Variants in NLRP5 observed in about 807,000 individuals in gnomAD.
NLRP5 encodes NLR family pyrin domain containing 5.
In NLRP5, 93 loss-of-function variants were observed where a neutral mutation model predicts 113.1. The observed-to-expected ratio is 0.82, with a 90% CI of 0.70 to 0.98. The LOEUF is 0.98. NLRP5 is among the 50% of genes least tolerant of loss of function. The pLI is 0.00. For missense variants in NLRP5, 1,808 were observed against 1,514.3 expected (o/e 1.19, Z -3.22); for synonymous variants, 751 against 600.7 (o/e 1.25, Z -3.66).
rs35408500 is a variant in NLRP5 at position 56,005,737 on chromosome 19, G to GA, written c.442+1648dup. 8.5e-5 allele frequency among the ~76,000 whole-genome samples: 13 copies of GA among 152,272 alleles called. 1 individual carries two copies. Among genetic ancestry groups the GA allele is most frequent in the Non-Finnish European group, 1.5e-4 (10 of 68,028 alleles). On this transcript the variant is annotated intron_variant, in intron 2 of 14. Coordinates refer to ENST00000390649, the MANE Select transcript of NLRP5 (RefSeq NM_153447.4). ...TCAAGGGCTCTCTCTCCTGAGCTTG[G>GA]AAAAAAGGCCCAGTGTGGAGGGCAT...
chr19:56,030,847 T>TG (rs1288566175), intron 7 of NLRP5, among the ~76,000 whole-genome samples: 2 of 151,110 alleles, frequency 1.3e-5, no homozygotes, highest in African/African-American at 2.4e-5. Flanking sequence ...CCCTAGTAGC[T>TG]GGACTACAGT....
chr19:56,003,423 G>A (rs1981731760), intron 1 of NLRP5, among the ~76,000 whole-genome samples: 1 of 152,176 alleles, frequency 6.6e-6, no homozygotes, highest in Non-Finnish European at 1.5e-5. Context: ...CAAAGTGCTG[G>A]GATTACAGGC....
Position 56,037,693 on chromosome 19 carries a change from C to CAAA in NLRP5, c.2616-313_2616-311dup, listed in dbSNP as rs11301032. ...GGGTGACAAGAGCAAGACCCTGTCT[C>CAAA]AAAAAAAAAAAAAAAAAAAAATGTT... On this transcript the variant is annotated intron_variant, in intron 9 of 14. Transcript: ENST00000390649. Among the ~76,000 whole-genome samples, 87 of 87,702 alleles carry CAAA rather than the reference C, an allele frequency of 9.9e-4. 1 individual carries two copies. Among genetic ancestry groups the CAAA allele is most frequent in the African/African-American group, 3.6e-3 (83 of 23,072 alleles). 57.5% of individuals were successfully genotyped at this position (87,702 alleles called of 152,430 possible).
intron 3 of NLRP5, 131 bp downstream of exon 3, chr19:56,008,984 C>A: frequency 1.3e-6 from 1 of 778,816 alleles, no homozygotes; most frequent in South Asian, 1.6e-5. Context: ...CCTACATTAG[C>A]TGACCGGATG....
rs930552610 is a variant in NLRP5 at position 56,055,768 on chromosome 19, A to G, written c.3299+1960A>G. On this transcript the variant is annotated intron_variant, in intron 13 of 14. Coordinates refer to ENST00000390649, the MANE Select transcript of NLRP5 (RefSeq NM_153447.4). The stretch of plus-strand genomic sequence containing the variant: ...CACCGTGTTAGCCAGGATGGTCTCA[A>G]TCTCCTGACCTCATGATCTGCCCGC... 5.9e-5 allele frequency among the ~76,000 whole-genome samples: 9 copies of G among 151,454 alleles called. No homozygotes were observed. The East Asian group carries it at 1.2e-3, about 20-fold the overall frequency.
At chr19:56,056,769 C>T (rs1432564976) in intron 13 of NLRP5, among the ~76,000 whole-genome samples, 1 of 152,262 alleles carries the variant, frequency 6.6e-6, no homozygotes, top group Non-Finnish European at 1.5e-5. Flanking sequence ...GAAAAATAAG[C>T]ATTCAATCTT....
chr19:56,043,694 T>TA (rs1361351325), intron 11 of NLRP5, among the ~76,000 whole-genome samples: 1 of 151,394 alleles, frequency 6.6e-6, no homozygotes, highest in African/African-American at 2.4e-5. Flanking sequence ...GCCTCTCGAG[T>TA]AGCTGGTAGC....
chr19:56,039,501 G>A (rs1031742869), intron 10 of NLRP5, among the ~76,000 whole-genome samples: 2 of 152,100 alleles, frequency 1.3e-5, no homozygotes, highest in Admixed American at 6.5e-5. Context: ...CTGAGCTCTC[G>A]ATCTTGGGTG....
At position 56,061,564 on chromosome 19, in the gene NLRP5, T is replaced by C. The variant is rs768448272; in HGVS notation, c.*36T>C. Reference sequence around the variant, plus strand: ...ACCTGCCCCACTCACACCCATCTGATGGAGGAACTTTAAACGCTGTTTTCT... The same window carrying C: ...ACCTGCCCCACTCACACCCATCTGACGGAGGAACTTTAAACGCTGTTTTCT... On this transcript the variant is annotated 3_prime_UTR_variant, in exon 15 of 15. Transcript: ENST00000390649. 1 of 1,611,874 alleles carries C rather than the reference T, an allele frequency of 6.2e-7. No individual in the cohort carries two copies. Among genetic ancestry groups the C allele is most frequent in the Non-Finnish European group, 8.5e-7 (1 of 1,178,632 alleles).
intron 2 of NLRP5, among the ~76,000 whole-genome samples, chr19:56,005,229 A>AT (rs984423150): frequency 2.1e-5 from 3 of 144,678 alleles, no homozygotes; most frequent in African/African-American, 7.6e-5. Flanking sequence ...ATACACATAT[A>AT]TTTTTATATA....
upstream of NLRP5, among the ~76,000 whole-genome samples, chr19:55,996,858 A>G (rs55920024): frequency 0.11 from 16,009 of 152,232 alleles, 937 homozygotes; most frequent in Middle Eastern, 0.15. Flanking sequence ...CCCAGTAATG[A>G]GATGGCTGGA....
rs552191164 is a variant in NLRP5, at chr19:56,041,550, G to A, written c.2957+458G>A. ...CACATGACCAACGGCACCGTGACTC[G>A]TGCCTGACAAAGCCTATCTGACACA... is the stretch of plus-strand genomic sequence containing the variant. On this transcript the variant is annotated intron_variant, in intron 11 of 14. Transcript: ENST00000390649. Among the ~76,000 whole-genome samples the A allele has an allele frequency of 5.3e-5, 8 of 152,264 alleles. No individual in the cohort carries two copies. The South Asian group carries it at 1.0e-3, about 20-fold the overall frequency.
chr19:56,061,690 A>G lies in NLRP5; in HGVS notation c.*162A>G. On this transcript the variant is annotated 3_prime_UTR_variant, in exon 15 of 15. Transcript: ENST00000390649. The stretch of plus-strand genomic sequence containing the variant: ...GTAGTGATTCTTCTGTGTTCACTCT[A>G]CGTTGGTTACTGGATTTGAAGGCTA... 1 of 766,496 alleles carries G rather than the reference A, an allele frequency of 1.3e-6. No homozygotes were observed. The highest frequency in any genetic ancestry group is 2.1e-6 in the Non-Finnish European group (1 of 473,470). 47.5% of individuals were successfully genotyped at this position (766,496 alleles called of 1,614,324 possible).
At chr19:56,019,478 A>G (rs1982533661) in intron 5 of NLRP5, 80 bp downstream of exon 5, 2 of 1,447,340 alleles carry the variant, frequency 1.4e-6, no homozygotes, top group East Asian at 4.6e-5. Context: ...TTAGATTTCA[A>G]GGGTATGTAG....
chr19:56,010,457 C>T (rs1244636169), intron 3 of NLRP5, among the ~76,000 whole-genome samples: 1 of 152,040 alleles, frequency 6.6e-6, no homozygotes, highest in Admixed American at 6.6e-5. Context: ...AAAGATGTCC[C>T]TCAAAGGCTG....
chr19:56,000,564 C>T (rs547986168), intron 1 of NLRP5, among the ~76,000 whole-genome samples: 3 of 151,638 alleles, frequency 2.0e-5, no homozygotes, highest in Non-Finnish European at 4.4e-5. Flanking sequence ...TGGGGTTTCA[C>T]CGTGTTAGCC....
At chr19:56,015,195 T>G (rs1244151388) in intron 3 of NLRP5, among the ~76,000 whole-genome samples, 1 of 152,132 alleles carries the variant, frequency 6.6e-6, no homozygotes, top group African/African-American at 2.4e-5. Context: ...TGTTTTCGTT[T>G]TGTTTTGTTT....
At chr19:55,992,115 T>C in the NLRP5 span, among the ~76,000 whole-genome samples, 1 of 152,156 alleles carries the variant, frequency 6.6e-6, no homozygotes, top group Non-Finnish European at 1.5e-5. Flanking sequence ...TGAGAACATG[T>C]GGTAGTTGGT....
At chr19:55,997,248 G>A (rs1981355421), upstream of NLRP5, among the ~76,000 whole-genome samples, 2 of 152,022 alleles carry the variant, frequency 1.3e-5, no homozygotes, top group African/African-American at 4.8e-5. Context: ...TGATGATCGT[G>A]TGGTTTTTGT....
Sources: allele counts gnomAD v4.1 joint callset (sites outside exome capture counted in the v4.1 genomes callset), GRCh38; gene constraint gnomAD v4.1.1; transcripts MANE v1.5; gene names NCBI Gene and HGNC (gene_info 2026-07-23, HGNC 2026-07-21).